The following SEMA6D variants were observed in gnomAD, a reference collection of about 807,000 sequenced individuals.
The protein encoded by SEMA6D is semaphorin 6D.
In SEMA6D, 35 loss-of-function variants were observed where a neutral mutation model predicts 106.6. The ratio of observed to expected loss-of-function variants is 0.33; its 90% CI spans 0.25 to 0.44. The LOEUF is 0.44. Among genes scored for constraint, SEMA6D ranks in the 20% least tolerant of loss-of-function variants. The pLI, the probability that SEMA6D is intolerant of heterozygous loss-of-function variation, is 1.00. For synonymous variants in SEMA6D, 499 were observed against 487.7 expected, an observed-to-expected ratio of 1.02 and a Z score of -0.31; for missense variants, 1,185 against 1,345.9, an observed-to-expected ratio of 0.88 and a Z score of 1.87.
intron 1 of SEMA6D, among the ~76,000 whole-genome samples, chr15:47,346,943 C>G (rs993319021): frequency 4.6e-5 from 7 of 151,856 alleles, no homozygotes; most frequent in Non-Finnish European, 1.0e-4. Flanking sequence ...TGGAGTCTCT[C>G]TGTCACCCAG....
chr15:47,327,778 A>ATGTCCTGAG (rs1446700999), intron 1 of SEMA6D, among the ~76,000 whole-genome samples: 1 of 152,152 alleles, frequency 6.6e-6, no homozygotes, highest in Non-Finnish European at 1.5e-5. Flanking sequence ...AAAACTGTCC[A>ATGTCCTGAG]TGTTTAGACA....
intron 1 of SEMA6D, among the ~76,000 whole-genome samples, chr15:47,208,025 A>G (rs1346328461): frequency 6.7e-6 from 1 of 150,372 alleles, no homozygotes; most frequent in Non-Finnish European, 1.5e-5. Flanking sequence ...ACACACACAC[A>G]CACACACACA....
intron 3 of SEMA6D, among the ~76,000 whole-genome samples, chr15:47,477,058 GTTAATTCAT>G (rs769761029): frequency 2.8e-4 from 42 of 152,262 alleles, no homozygotes; most frequent in Non-Finnish European, 5.1e-4. Context: ...TTCCCAGCAT[GTTAATTCAT>G]TTAACCAAAA....
intron 4 of SEMA6D, among the ~76,000 whole-genome samples, chr15:47,711,419 T>C (rs2079021959): frequency 6.6e-6 from 1 of 151,924 alleles, no homozygotes. Flanking sequence ...ACTTGAGCAG[T>C]ACACTTCGTG....
intron 1 of SEMA6D, among the ~76,000 whole-genome samples, chr15:47,404,762 T>C (rs990308497): frequency 6.6e-6 from 1 of 152,164 alleles, no homozygotes; most frequent in Non-Finnish European, 1.5e-5. Flanking sequence ...TAGTGAGTAA[T>C]TCATTCATTT....
At chr15:47,243,176 A>C (rs560190279) in intron 1 of SEMA6D, among the ~76,000 whole-genome samples, 319 of 152,236 alleles carry the variant, frequency 2.1e-3, no homozygotes, top group African/African-American at 7.3e-3. Flanking sequence ...TTTTAGTACA[A>C]AAGGTGGAAG....
At chr15:47,280,504 G>GA (rs2035062486) in intron 1 of SEMA6D, among the ~76,000 whole-genome samples, 1 of 132,158 alleles carries the variant, frequency 7.6e-6, no homozygotes, top group African/African-American at 2.9e-5. Context: ...ATTTTTTGAA[G>GA]GGTTTTTTGT....
intron 4 of SEMA6D, among the ~76,000 whole-genome samples, chr15:47,683,269 A>T (rs2078397729): frequency 6.6e-6 from 1 of 152,124 alleles, no homozygotes; most frequent in African/African-American, 2.4e-5. Flanking sequence ...GTCCATGTGT[A>T]CCCATTGCTT....
intron 1 of SEMA6D, among the ~76,000 whole-genome samples, chr15:47,353,339 C>T (rs539559649): frequency 6.6e-6 from 1 of 152,230 alleles, no homozygotes; most frequent in Non-Finnish European, 1.5e-5. Flanking sequence ...TCAAGGGCTG[C>T]CTAGAGCCAA....
chr15:47,257,219 A>G (rs1252529080), intron 1 of SEMA6D, among the ~76,000 whole-genome samples: 2 of 151,848 alleles, frequency 1.3e-5, no homozygotes, highest in African/African-American at 2.4e-5. Context: ...CACCACGCCC[A>G]GCTAATTTTT....
At chr15:47,571,798 G>A (rs1034863044) in intron 3 of SEMA6D, among the ~76,000 whole-genome samples, 1 of 152,144 alleles carries the variant, frequency 6.6e-6, no homozygotes, top group Non-Finnish European at 1.5e-5. Context: ...ATGAAAATGT[G>A]GGTCTCAAAA....
chr15:47,717,199 C>CA (rs1446973470), upstream of SEMA6D: 4 of 152,316 alleles, frequency 2.6e-5, no homozygotes, highest in African/African-American at 9.6e-5. Flanking sequence ...AGCAGCTACT[C>CA]AGAGGTGGGG....
chr15:47,562,954 A>G (rs1036661517), intron 3 of SEMA6D, among the ~76,000 whole-genome samples: 21 of 152,200 alleles, frequency 1.4e-4, no homozygotes, highest in African/African-American at 5.1e-4. Flanking sequence ...TGACAAATGC[A>G]TAAACACAAG....
rs574062768 is a variant in SEMA6D, at chr15:47,490,923, G to T, written c.-87+20378G>T. 3.3e-5 allele frequency among the ~76,000 whole-genome samples: 5 copies of T among 152,212 alleles called. No individual in the cohort carries two copies. The East Asian group carries it at 9.7e-4, about 29-fold the overall frequency. Reference sequence around the variant, plus strand: ...TACAATTTTACTTCCTTTCAACTGGGAGAAAAATGTGAGAAACTCAACAGG... The same window carrying T: ...TACAATTTTACTTCCTTTCAACTGGTAGAAAAATGTGAGAAACTCAACAGG... On this transcript the variant is annotated intron_variant, in intron 3 of 19. Transcript: ENST00000558014.
chr15:47,693,794 G>A (rs2899413), intron 4 of SEMA6D, among the ~76,000 whole-genome samples: 34,619 of 151,898 alleles, frequency 0.23, 4,222 homozygotes, highest in Non-Finnish European at 0.26. Flanking sequence ...AATTCAGCTG[G>A]GTATGGTGGC....
intron 1 of SEMA6D, among the ~76,000 whole-genome samples, chr15:47,301,334 G>A (rs1011593984): frequency 6.6e-6 from 1 of 152,210 alleles, no homozygotes; most frequent in Admixed American, 6.5e-5. Context: ...AGGGAGCAGA[G>A]GCTCCTCAGT....
intron 1 of SEMA6D, among the ~76,000 whole-genome samples, chr15:47,215,411 CTG>C (rs2030486141): frequency 6.6e-6 from 1 of 152,020 alleles, no homozygotes; most frequent in Non-Finnish European, 1.5e-5. Context: ...TCTGTTAAAA[CTG>C]TTGGGCATTT....
chr15:47,652,253 A>G (rs1315160832), intron 4 of SEMA6D, among the ~76,000 whole-genome samples: 2 of 152,138 alleles, frequency 1.3e-5, no homozygotes, highest in African/African-American at 4.8e-5. Flanking sequence ...CAAAGAGGAG[A>G]AAAAACCCAA....
intron 3 of SEMA6D, among the ~76,000 whole-genome samples, chr15:47,478,221 A>C (rs2043053227): frequency 6.6e-6 from 1 of 152,136 alleles, no homozygotes; most frequent in Admixed American, 6.5e-5. Flanking sequence ...TTTAGCCCCA[A>C]AGGTTAAATG....
Sources: gnomAD v4.1 joint callset for allele counts (sites outside exome capture counted in the v4.1 genomes callset) on GRCh38, gnomAD v4.1.1 for gene constraint, MANE v1.5 for transcripts, NCBI Gene and HGNC (gene_info 2026-07-23, HGNC 2026-07-21) for gene names.